Variants in SCRG1 observed in about 807,000 individuals in gnomAD.
SCRG1 encodes stimulator of chondrogenesis 1.
In SCRG1, 3 loss-of-function variants were observed where a neutral mutation model predicts 7.7. That is an observed-to-expected ratio of 0.39 (90% CI 0.18 to 1.01). The LOEUF (loss-of-function observed/expected upper bound fraction) is 1.01. Among genes scored for constraint, SCRG1 ranks in the 50% least tolerant of loss-of-function variants. SCRG1 has a pLI of 0.36. For missense variants in SCRG1, 110 were observed against 117.2 expected, an observed-to-expected ratio of 0.94 and a Z score of 0.28; for synonymous variants, 46 against 41.2, an observed-to-expected ratio of 1.12 and a Z score of -0.44.
At chr4:173,436,728 G>C in the SCRG1 span, among the ~76,000 whole-genome samples, 3 of 152,162 alleles carry the variant, frequency 2.0e-5, no homozygotes, top group East Asian at 5.8e-4. Flanking sequence ...ATTTGTGTGT[G>C]TTGTAGGGTA....
the SCRG1 span, among the ~76,000 whole-genome samples, chr4:173,455,795 C>T: frequency 6.6e-6 from 1 of 152,028 alleles, no homozygotes; most frequent in Non-Finnish European, 1.5e-5. Context: ...TTCAAGTGTA[C>T]AGAGGAGAGA....
the SCRG1 span, among the ~76,000 whole-genome samples, chr4:173,435,058 G>A: frequency 6.6e-6 from 1 of 151,948 alleles, no homozygotes; most frequent in Non-Finnish European, 1.5e-5. Flanking sequence ...ATGATTAACA[G>A]ATTTAGGATT....
chr4:173,388,062 TG>T lies in SCRG1; in HGVS notation c.*278del. 3.2e-6 allele frequency: 1 copy of T among 314,858 alleles called. No individual in the cohort carries two copies. The allele number at this position is 314,858 out of a possible 1,614,324, so 19.5% of individuals were successfully genotyped here. ...TGAGCCATGCCTATGGCTCTTCATC[TG>T]GGGGACAGAACTCTTTAACTGAGTA... On this transcript the variant is annotated 3_prime_UTR_variant, in exon 3 of 3. Coordinates refer to ENST00000296506, the MANE Select transcript of SCRG1 (RefSeq NM_007281.4).
chr4:173,502,968 G>T, the SCRG1 span, among the ~76,000 whole-genome samples: 1 of 152,220 alleles, frequency 6.6e-6, no homozygotes, highest in African/African-American at 2.4e-5. The surrounding 1 kb of genome is among the most constrained non-coding windows in gnomAD (Gnocchi z 4.6). Context: ...GGGGTCTGGT[G>T]CACAGTGGGA....
chr4:173,409,565 C>T (rs75374167), upstream of SCRG1, among the ~76,000 whole-genome samples: 1,478 of 149,496 alleles, frequency 9.9e-3, 25 homozygotes, highest in African/African-American at 0.033. Context: ...TTCCCTGGAT[C>T]TGCGTTGGTA....
upstream of SCRG1, among the ~76,000 whole-genome samples, chr4:173,399,724 A>G (rs191803369): frequency 1.0e-4 from 8 of 78,868 alleles, no homozygotes; most frequent in East Asian, 2.9e-3. Flanking sequence ...TAGAAATAAA[A>G]GCACAAAAGA....
At chr4:173,408,866 G>A (rs982169755), upstream of SCRG1, among the ~76,000 whole-genome samples, 6 of 151,752 alleles carry the variant, frequency 4.0e-5, no homozygotes, top group South Asian at 2.1e-4. Context: ...GGTGGCGGGC[G>A]CCTGTGGTCC....
chr4:173,409,010 A>G (rs180865659), upstream of SCRG1, among the ~76,000 whole-genome samples: 3,806 of 145,638 alleles, frequency 0.026, 134 homozygotes, highest in East Asian at 0.15. Context: ...AAAAAAAAAA[A>G]AAAAGAAAAG....
chr4:173,451,637 TA>T, the SCRG1 span, among the ~76,000 whole-genome samples: 1 of 42,998 alleles, frequency 2.3e-5, no homozygotes, highest in East Asian at 4.4e-4. Context: ...TTACTTATTT[TA>T]TTTATTTATT....
the SCRG1 span, among the ~76,000 whole-genome samples, chr4:173,456,811 T>C: frequency 2.6e-5 from 4 of 152,280 alleles, no homozygotes; most frequent in African/African-American, 7.2e-5. Context: ...AGAGATAGGA[T>C]TGAAAGGTTT....
At chr4:173,504,789 A>G in the SCRG1 span, among the ~76,000 whole-genome samples, 1 of 152,204 alleles carries the variant, frequency 6.6e-6, no homozygotes, top group African/African-American at 2.4e-5. The surrounding 1 kb of genome is among the most constrained non-coding windows in gnomAD (Gnocchi z 4.7). Context: ...TCACATTGGC[A>G]GCCTAATTCC....
chr4:173,444,219 C>T, the SCRG1 span, among the ~76,000 whole-genome samples: 1 of 152,150 alleles, frequency 6.6e-6, no homozygotes, highest in Non-Finnish European at 1.5e-5. Flanking sequence ...GGTGATTCAC[C>T]CGCCTCGGCC....
the SCRG1 span, among the ~76,000 whole-genome samples, chr4:173,497,259 C>A: frequency 2.6e-5 from 4 of 152,200 alleles, no homozygotes; most frequent in African/African-American, 9.6e-5. Context: ...TTGCTCTATT[C>A]CTCTCTAGGA....
At chr4:173,431,617 C>A in the SCRG1 span, among the ~76,000 whole-genome samples, 1 of 152,316 alleles carries the variant, frequency 6.6e-6, no homozygotes, top group South Asian at 2.1e-4. Context: ...GCATTAATAG[C>A]AAATTTCAAT....
chr4:173,485,803 C>G, the SCRG1 span, among the ~76,000 whole-genome samples: 1 of 152,088 alleles, frequency 6.6e-6, no homozygotes, highest in Admixed American at 6.6e-5. Context: ...AACCCCGCCT[C>G]TACTAAAAAT....
chr4:173,485,695 C>A, the SCRG1 span, among the ~76,000 whole-genome samples: 1 of 152,060 alleles, frequency 6.6e-6, no homozygotes, highest in Non-Finnish European at 1.5e-5. Flanking sequence ...TGTGGCTGGG[C>A]CCTGTGGCTC....
chr4:173,417,357 A>G, the SCRG1 span, among the ~76,000 whole-genome samples: 1 of 152,216 alleles, frequency 6.6e-6, no homozygotes, highest in Non-Finnish European at 1.5e-5. Flanking sequence ...ATGCAGATTT[A>G]GAAACAGAAT....
the SCRG1 span, among the ~76,000 whole-genome samples, chr4:173,506,394 G>GC: frequency 4.6e-5 from 7 of 152,244 alleles, no homozygotes; most frequent in African/African-American, 1.2e-4. The surrounding 1 kb of genome is among the most constrained non-coding windows in gnomAD (Gnocchi z 5.3). Context: ...AGGCTGCAGG[G>GC]CCCCTCAGTG....
the SCRG1 span, among the ~76,000 whole-genome samples, chr4:173,438,976 G>A: frequency 1.3e-5 from 2 of 151,974 alleles, no homozygotes; most frequent in Non-Finnish European, 2.9e-5. Flanking sequence ...AAGTGGCCAT[G>A]AGACTGAGTC....
Sources: allele counts gnomAD v4.1 joint callset (sites outside exome capture counted in the v4.1 genomes callset), GRCh38; gene constraint gnomAD v4.1.1; non-coding constraint Gnocchi (gnomAD v3.1); transcripts MANE v1.5; gene names NCBI Gene and HGNC (gene_info 2026-07-23, HGNC 2026-07-21).